The following P3H2 variants were observed in gnomAD, a reference collection of about 807,000 sequenced individuals.
P3H2 encodes the protein leprecan-like 1.
A neutral mutation model predicts 87.0 loss-of-function variants in P3H2; 80 were observed. That is an observed-to-expected ratio of 0.92 (90% CI 0.77 to 1.11). The LOEUF (loss-of-function observed/expected upper bound fraction) is 1.11, where lower values mean the gene tolerates loss of function less well. Among genes scored for constraint, P3H2 ranks in the 50% least tolerant of loss-of-function variants. The pLI is 0.00. For missense variants in P3H2, 1,001 were observed against 923.9 expected, an observed-to-expected ratio of 1.08 and a Z score of -1.08; for synonymous variants, 367 against 359.3, an observed-to-expected ratio of 1.02 and a Z score of -0.24.
chr3:190,043,807 C>T (rs754199805), intron 1 of P3H2, among the ~76,000 whole-genome samples: 10 of 152,172 alleles, frequency 6.6e-5, no homozygotes, highest in Non-Finnish European at 1.5e-4. Flanking sequence ...AAGTTCACAG[C>T]TGTGTCTCCC....
rs770967128 is a variant in P3H2, at chr3:190,063,990, C to CTT, written c.480+56260_480+56261dup. Among the ~76,000 whole-genome samples the CTT allele has an allele frequency of 2.4e-3, 300 of 124,192 alleles. 2 individuals carry two copies. The highest frequency in any genetic ancestry group is 0.02 in the East Asian group (84 of 4,160). The allele number at this position is 124,192 out of a possible 152,430, so 81.5% of individuals were successfully genotyped here. A position where few individuals can be genotyped will look rare whatever the true frequency, so the allele number is the denominator to read the frequency against. On this transcript the variant is annotated intron_variant, in intron 1 of 14. Coordinates refer to ENST00000319332, the MANE Select transcript of P3H2 (RefSeq NM_018192.4). ...ATTTAAGAAATCATTTTAGAATAAA[C>CTT]TTTTTTTTTTTTTTTTTTTTTGAGA...
intron 1 of P3H2, among the ~76,000 whole-genome samples, chr3:190,001,541 T>C (rs1444068201): frequency 6.6e-6 from 1 of 152,248 alleles, no homozygotes; most frequent in African/African-American, 2.4e-5. Flanking sequence ...CACAATATAG[T>C]AACTTTAGAG....
At chr3:189,980,576 A>C (rs1417705236) in intron 8 of P3H2, among the ~76,000 whole-genome samples, 1 of 151,932 alleles carries the variant, frequency 6.6e-6, no homozygotes, top group East Asian at 1.9e-4. Flanking sequence ...AAAAAAGAAA[A>C]AGAGATATGA....
At chr3:190,095,621 A>G (rs1727552695) in intron 1 of P3H2, among the ~76,000 whole-genome samples, 1 of 150,106 alleles carries the variant, frequency 6.7e-6, no homozygotes, top group Non-Finnish European at 1.5e-5. Flanking sequence ...TTTCCTTTAA[A>G]ACGGAGTCTC....
intron 12 of P3H2, chr3:189,971,443 G>A (rs1723175830): frequency 7.5e-6 from 2 of 266,800 alleles, no homozygotes; most frequent in Non-Finnish European, 1.5e-5. Flanking sequence ...CAATAGGTAA[G>A]GACATTCTTT....
chr3:190,099,999 C>T (rs1235222766), intron 1 of P3H2, among the ~76,000 whole-genome samples: 3 of 152,072 alleles, frequency 2.0e-5, no homozygotes, highest in Non-Finnish European at 4.4e-5. Flanking sequence ...TCTGGGAGGC[C>T]GAGGTGGGTG....
chr3:190,074,308 G>A (rs751699224), intron 1 of P3H2, among the ~76,000 whole-genome samples: 3 of 151,990 alleles, frequency 2.0e-5, no homozygotes, highest in African/African-American at 4.8e-5. Context: ...TCAGGAGTTC[G>A]AGACCTGCCT....
intron 1 of P3H2, among the ~76,000 whole-genome samples, chr3:190,052,689 G>GTGTA (rs560451340): frequency 3.4e-5 from 5 of 148,440 alleles, no homozygotes; most frequent in African/African-American, 1.2e-4. Flanking sequence ...GTGTGTGTGT[G>GTGTA]TATATATATA....
At chr3:189,967,589 G>A (rs1723042418) in intron 13 of P3H2, among the ~76,000 whole-genome samples, 1 of 151,518 alleles carries the variant, frequency 6.6e-6, no homozygotes, top group Admixed American at 6.6e-5. Context: ...CTACACTCAA[G>A]CTTTCCCAGA....
At position 189,975,463 on chromosome 3, in the gene P3H2, G is replaced by A. The variant is rs373458200; in HGVS notation, c.1325-778C>T. On this transcript the variant is annotated intron_variant, in intron 8 of 14. Coordinates refer to ENST00000319332, the MANE Select transcript of P3H2 (RefSeq NM_018192.4). ...TGAAGGACAAAGCCTCTGATAGAGA[G>A]GAAATCTTCTGGTGTAGCATAGTGC... is the stretch of plus-strand genomic sequence containing the variant. Among the ~76,000 whole-genome samples the A allele has an allele frequency of 1.1e-4, 17 of 152,312 alleles. No homozygotes were observed. The East Asian group carries it at 2.9e-3, about 26-fold the overall frequency.
At chr3:189,963,637 T>C in intron 14 of P3H2, 1 of 296,334 alleles carries the variant, frequency 3.4e-6, no homozygotes, top group Non-Finnish European at 6.6e-6. Context: ...AGAGATGGGG[T>C]TTCAGCATGT....
chr3:190,120,108 A>G, intron 1 of P3H2, 144 bp downstream of exon 1: 13 of 912,816 alleles, frequency 1.4e-5, no homozygotes, highest in Non-Finnish European at 2.2e-5. Flanking sequence ...GGGCCACCAG[A>G]TATCTGGATT....
At chr3:190,036,786 G>C (rs1725438390) in intron 1 of P3H2, among the ~76,000 whole-genome samples, 1 of 152,122 alleles carries the variant, frequency 6.6e-6, no homozygotes, top group Non-Finnish European at 1.5e-5. Flanking sequence ...CTGCCCTTGA[G>C]CGATGATCCC....
intron 1 of P3H2, among the ~76,000 whole-genome samples, chr3:190,101,782 T>C (rs559576163): frequency 6.6e-6 from 1 of 152,246 alleles, no homozygotes; most frequent in Non-Finnish European, 1.5e-5. Flanking sequence ...ATTTTCATTG[T>C]AGATAAAGCA....
chr3:190,013,084 G>T (rs2108935813), intron 1 of P3H2, among the ~76,000 whole-genome samples: 1 of 152,292 alleles, frequency 6.6e-6, no homozygotes, highest in Non-Finnish European at 1.5e-5. Context: ...CCCTGGATGG[G>T]CTACTGTGGA....
Position 189,956,939 on chromosome 3 carries a change from A to G in P3H2, c.*973T>C. Reference sequence around the variant, plus strand: ...GCCATGGTGCCCGGATGCAGGCAGTATTCAAGAGTTTCTTCCAAAGTCACC... The same window carrying G: ...GCCATGGTGCCCGGATGCAGGCAGTGTTCAAGAGTTTCTTCCAAAGTCACC... On this transcript the variant is annotated 3_prime_UTR_variant, in exon 15 of 15. Coordinates refer to ENST00000319332, the MANE Select transcript of P3H2 (RefSeq NM_018192.4). 1 of 395,662 alleles carries G rather than the reference A, an allele frequency of 2.5e-6. No individual in the cohort carries two copies. Among genetic ancestry groups the G allele is most frequent in the Admixed American group, 4.4e-5 (1 of 22,676 alleles). 24.5% of individuals were successfully genotyped at this position (395,662 alleles called of 1,614,324 possible).
At chr3:189,995,546 A>G in intron 1 of P3H2, 104 bp from the exon 2 acceptor site, 1 of 1,067,114 alleles carries the variant, frequency 9.4e-7, no homozygotes, top group Non-Finnish European at 1.3e-6. Flanking sequence ...GAATGAAACT[A>G]GGAGCCTTGG....
chr3:189,998,768 C>T (rs955090370), intron 1 of P3H2, among the ~76,000 whole-genome samples: 4 of 152,006 alleles, frequency 2.6e-5, no homozygotes, highest in African/African-American at 9.7e-5. Flanking sequence ...GGCAGTGGTC[C>T]CCAGTCTTTT....
intron 1 of P3H2, among the ~76,000 whole-genome samples, chr3:190,025,942 A>G (rs1396159287): frequency 6.6e-6 from 1 of 152,188 alleles, no homozygotes. Context: ...GACCAAAATA[A>G]TAAGTGTTTG....
Sources: allele counts gnomAD v4.1 joint callset (sites outside exome capture counted in the v4.1 genomes callset), GRCh38; gene constraint gnomAD v4.1.1; transcripts MANE v1.5; gene names NCBI Gene and HGNC (gene_info 2026-07-23, HGNC 2026-07-21).